The following CCL26 variants were observed in gnomAD, a reference collection of about 807,000 sequenced individuals.
CCL26 encodes the protein C-C motif chemokine 26.
CCL26 carries 10 observed loss-of-function variants against 10.7 expected under a neutral mutation model. The ratio of observed to expected loss-of-function variants is 0.93; its 90% CI spans 0.57 to 1.58. The LOEUF (loss-of-function observed/expected upper bound fraction) is 1.58. CCL26 is among the 40% of genes most tolerant of loss of function. CCL26 has a pLI of 0.00. For missense variants in CCL26, 116 were observed against 111.0 expected, an observed-to-expected ratio of 1.05 and a Z score of -0.20; for synonymous variants, 43 against 41.4, an observed-to-expected ratio of 1.04 and a Z score of -0.15.
At chr7:75,775,884 G>A (rs1802926536), upstream of CCL26, among the ~76,000 whole-genome samples, 1 of 151,598 alleles carries the variant, frequency 6.6e-6, no homozygotes, top group South Asian at 2.1e-4. Context: ...TGTCACCCAG[G>A]CTGGAGTGCA....
upstream of CCL26, among the ~76,000 whole-genome samples, chr7:75,790,513 C>A (rs1437034120): frequency 6.6e-6 from 1 of 152,028 alleles, no homozygotes; most frequent in Non-Finnish European, 1.5e-5. Context: ...GATCCTCCCA[C>A]CTCAGCCTCC....
At chr7:75,778,943 A>G (rs375934522) in intron 1 of CCL26, among the ~76,000 whole-genome samples, 17 of 152,130 alleles carry the variant, frequency 1.1e-4, no homozygotes, top group African/African-American at 3.6e-4. Flanking sequence ...CTAAGCCATC[A>G]TATCCCCAGT....
chr7:75,769,751 G>T lies in CCL26; in HGVS notation c.227C>A (p.Pro76Gln). 4.3e-6 allele frequency: 7 copies of T among 1,611,990 alleles called. No individual in the cohort carries two copies. Among genetic ancestry groups the T allele is most frequent in the Non-Finnish European group, 5.1e-6 (6 of 1,178,168 alleles). Residue 76 changes from proline to glutamine, a missense_variant, in exon 3 of 3, where the codon CCA becomes CAA. By Grantham distance (76) the Pro-to-Gln change is moderately conservative. Transcript: ENST00000005180. Reference sequence around the variant, plus strand: ...GTATTTTTGCACCCATTTTTTCCTTGGATGGGTACAGACTTTCTTGCCTCT... The same window carrying T: ...GTATTTTTGCACCCATTTTTTCCTTTGATGGGTACAGACTTTCTTGCCTCT... ...TKRGKKVCTH[P>Q]RKKWVQKYIS...
At position 75,769,762 on chromosome 7, in the gene CCL26, G is replaced by A. The variant is rs782292366; in HGVS notation, c.216C>T (p.Val72=). Residue 72 remains valine, a synonymous_variant, in exon 3 of 3, where the codon GTC becomes GTT. Coordinates refer to ENST00000005180, the MANE Select transcript of CCL26 (RefSeq NM_001371938.1). ...CCCATTTTTTCCTTGGATGGGTACA[G>A]ACTTTCTTGCCTCTTTTGGTAGTGA... The part of the protein sequence containing the change: ...VIFTTKRGKK[V]CTHPRKKWVQ... The A allele has an allele frequency of 5.6e-6, 9 of 1,610,400 alleles. No homozygotes were observed. In the South Asian group the frequency reaches 7.7e-5, roughly 14 times the overall value.
At chr7:75,788,492 C>G (rs1803252348) in intron 1 of CCL26, among the ~76,000 whole-genome samples, 1 of 151,662 alleles carries the variant, frequency 6.6e-6, no homozygotes, top group South Asian at 2.1e-4. Context: ...CCCGCCTGCA[C>G]CCAGGTGACT....
chr7:75,781,377 C>A (rs377621393), intron 1 of CCL26, among the ~76,000 whole-genome samples: 2 of 152,234 alleles, frequency 1.3e-5, no homozygotes, highest in East Asian at 3.8e-4. Context: ...TCCTGAACCG[C>A]AGCTGCCAGG....
At chr7:75,790,420 A>AC (rs1189945878), upstream of CCL26, among the ~76,000 whole-genome samples, 3 of 53,560 alleles carry the variant, frequency 5.6e-5, no homozygotes, top group African/African-American at 1.5e-4. Flanking sequence ...CTGCTAACTT[A>AC]AAAAAAAAAT....
At chr7:75,788,916 C>T (rs200696229) in intron 1 of CCL26, among the ~76,000 whole-genome samples, 1 of 143,496 alleles carries the variant, frequency 7.0e-6, no homozygotes, top group South Asian at 2.6e-4. Flanking sequence ...GCATACCTTT[C>T]TTTTCTCTTT....
At chr7:75,787,435 A>G (rs9791805) in intron 1 of CCL26, among the ~76,000 whole-genome samples, 81,476 of 151,588 alleles carry the variant, frequency 0.54, 22,286 homozygotes, top group African/African-American at 0.62. Context: ...ACAAGGTCAG[A>G]AGATCAAGAT....
chr7:75,783,048 G>A (rs949114070), intron 1 of CCL26, among the ~76,000 whole-genome samples: 10 of 152,016 alleles, frequency 6.6e-5, no homozygotes, highest in South Asian at 2.1e-4. Context: ...GTTTCGTTCC[G>A]TGACTAGCCC....
At chr7:75,776,228 T>C (rs1256009624), upstream of CCL26, among the ~76,000 whole-genome samples, 3 of 151,638 alleles carry the variant, frequency 2.0e-5, no homozygotes, top group African/African-American at 7.3e-5. Flanking sequence ...CACACCACCA[T>C]GCCCGACTAA....
At chr7:75,781,108 C>A (rs1464764376) in intron 1 of CCL26, among the ~76,000 whole-genome samples, 1 of 152,242 alleles carries the variant, frequency 6.6e-6, no homozygotes, top group Non-Finnish European at 1.5e-5. Context: ...CTTTACAGCC[C>A]TAGGCCCTGA....
chr7:75,790,641 C>A (rs1301383490), upstream of CCL26, among the ~76,000 whole-genome samples: 2 of 151,974 alleles, frequency 1.3e-5, no homozygotes, highest in African/African-American at 4.8e-5. Flanking sequence ...AGTGATTATA[C>A]CCTGTTTATA....
upstream of CCL26, chr7:75,772,283 T>C (rs1802841761): frequency 1.3e-6 from 1 of 778,350 alleles, no homozygotes; most frequent in South Asian, 1.7e-5. Flanking sequence ...AATTCTGTGG[T>C]TGGGAACAGA....
chr7:75,778,849 G>GGA (rs1563337659), intron 1 of CCL26, among the ~76,000 whole-genome samples: 2 of 78,320 alleles, frequency 2.6e-5, no homozygotes, highest in African/African-American at 1.3e-4. Context: ...AGGCCAAGGT[G>GGA]GGGGGGGCAG....
chr7:75,775,833 C>CA (rs1459802958), upstream of CCL26, among the ~76,000 whole-genome samples: 1 of 135,714 alleles, frequency 7.4e-6, no homozygotes, highest in East Asian at 2.0e-4. Context: ...CTGAACTTTC[C>CA]TTTTTTTAGT....
intron 1 of CCL26, among the ~76,000 whole-genome samples, chr7:75,784,300 T>C (rs1376446159): frequency 1.3e-5 from 2 of 152,204 alleles, no homozygotes; most frequent in African/African-American, 2.4e-5. Flanking sequence ...GAAATCGGAA[T>C]GTCCAACTCG....
intron 1 of CCL26, among the ~76,000 whole-genome samples, chr7:75,779,589 C>A (rs1247304095): frequency 6.6e-6 from 1 of 152,204 alleles, no homozygotes; most frequent in African/African-American, 2.4e-5. Flanking sequence ...CTGGTAGAGA[C>A]AAAGGAGATG....
upstream of CCL26, among the ~76,000 whole-genome samples, chr7:75,773,530 C>G (rs1554528404): frequency 6.6e-6 from 1 of 152,076 alleles, no homozygotes; most frequent in Non-Finnish European, 1.5e-5. Context: ...GTTGGGATTA[C>G]AGTGAGCCAC....
Sources: allele counts gnomAD v4.1 joint callset (sites outside exome capture counted in the v4.1 genomes callset), GRCh38; gene constraint gnomAD v4.1.1; transcripts MANE v1.5; gene names NCBI Gene and HGNC (gene_info 2026-07-23, HGNC 2026-07-21).